Variants in ENTREP2 observed in about 807,000 individuals in gnomAD.
The protein encoded by ENTREP2 is protein ENTREP2.
the ENTREP2 span, among the ~76,000 whole-genome samples, chr15:29,646,992 C>T: frequency 6.6e-6 from 1 of 152,200 alleles, no homozygotes; most frequent in African/African-American, 2.4e-5. Context: ...ATTTCTCCTC[C>T]GTGGTTTCAT....
At chr15:29,331,491 T>C in the ENTREP2 span, among the ~76,000 whole-genome samples, 3 of 152,064 alleles carry the variant, frequency 2.0e-5, no homozygotes, top group Non-Finnish European at 4.4e-5. Flanking sequence ...AAAACATCTT[T>C]CATACCTCCA....
At chr15:29,642,387 G>T in the ENTREP2 span, among the ~76,000 whole-genome samples, 809 of 151,154 alleles carry the variant, frequency 5.4e-3, 22 homozygotes, top group Admixed American at 0.037. Flanking sequence ...CATTCAATAG[G>T]GGGGAGAGAA....
At chr15:29,279,082 A>G in the ENTREP2 span, among the ~76,000 whole-genome samples, 5,685 of 152,146 alleles carry the variant, frequency 0.037, 153 homozygotes, top group Non-Finnish European at 0.052. Context: ...CCCCACTGTA[A>G]AGGCCTCATT....
At chr15:29,310,416 G>A in the ENTREP2 span, among the ~76,000 whole-genome samples, 2 of 152,164 alleles carry the variant, frequency 1.3e-5, no homozygotes, top group South Asian at 4.1e-4. Context: ...GCCCTGGCTC[G>A]GTCAAGGGGA....
chr15:29,412,624 C>T, the ENTREP2 span, among the ~76,000 whole-genome samples: 1 of 151,940 alleles, frequency 6.6e-6, no homozygotes, highest in Non-Finnish European at 1.5e-5. Flanking sequence ...TGTGTAGTCT[C>T]TCATCAACTT....
the ENTREP2 span, among the ~76,000 whole-genome samples, chr15:29,227,389 G>A: frequency 6.6e-6 from 1 of 152,180 alleles, no homozygotes; most frequent in East Asian, 1.9e-4. Flanking sequence ...TTTGCAGGCT[G>A]GTCTTAAAGG....
the ENTREP2 span, among the ~76,000 whole-genome samples, chr15:29,517,885 A>C: frequency 2.0e-5 from 3 of 152,350 alleles, no homozygotes; most frequent in East Asian, 3.9e-4. Context: ...TAATTACCAT[A>C]ATCAAGCTAA....
chr15:29,608,432 T>C, the ENTREP2 span, among the ~76,000 whole-genome samples: 32 of 152,068 alleles, frequency 2.1e-4, no homozygotes, highest in African/African-American at 7.7e-4. Context: ...CTCCCAGCGC[T>C]TTCTCCTGAG....
the ENTREP2 span, chr15:29,234,479 T>G: frequency 7.8e-5 from 115 of 1,466,530 alleles, no homozygotes; most frequent in Middle Eastern, 6.9e-4. Flanking sequence ...CATTCGCCTA[T>G]CATATATTTG....
the ENTREP2 span, among the ~76,000 whole-genome samples, chr15:29,447,177 T>C: frequency 6.6e-6 from 1 of 152,208 alleles, no homozygotes; most frequent in East Asian, 1.9e-4. Context: ...AATATTTTAA[T>C]TGAATATTAA....
At chr15:29,538,638 CAAAAAAAAA>C in the ENTREP2 span, among the ~76,000 whole-genome samples, 1 of 79,002 alleles carries the variant, frequency 1.3e-5, no homozygotes, top group Non-Finnish European at 2.5e-5. Flanking sequence ...ACTAAAAATA[CAAAAAAAAA>C]AAAAAAAAAA....
the ENTREP2 span, among the ~76,000 whole-genome samples, chr15:29,324,687 G>T: frequency 6.6e-6 from 1 of 152,114 alleles, no homozygotes; most frequent in Admixed American, 6.5e-5. Flanking sequence ...GTGATATAAA[G>T]GTCAGTTTCC....
chr15:29,664,052 G>C, the ENTREP2 span, among the ~76,000 whole-genome samples: 1 of 151,962 alleles, frequency 6.6e-6, no homozygotes, highest in Non-Finnish European at 1.5e-5. Flanking sequence ...AAATAGCATG[G>C]GGGTATGAAG....
the ENTREP2 span, among the ~76,000 whole-genome samples, chr15:29,400,746 T>TA: frequency 4.6e-5 from 7 of 152,212 alleles, no homozygotes; most frequent in South Asian, 2.1e-4. Flanking sequence ...CGTTTATGGC[T>TA]AAAAAAACCC....
At chr15:29,635,871 C>G in the ENTREP2 span, among the ~76,000 whole-genome samples, 73 of 152,314 alleles carry the variant, frequency 4.8e-4, 1 homozygote, top group African/African-American at 1.6e-3. Context: ...AAAATATTGG[C>G]TGCTGTCGTC....
At chr15:29,434,066 G>A in the ENTREP2 span, among the ~76,000 whole-genome samples, 3 of 152,120 alleles carry the variant, frequency 2.0e-5, no homozygotes, top group Admixed American at 1.3e-4. Context: ...ACCTAGAAAC[G>A]GATGACCAAG....
the ENTREP2 span, among the ~76,000 whole-genome samples, chr15:29,414,491 T>G: frequency 6.6e-6 from 1 of 151,906 alleles, no homozygotes; most frequent in Non-Finnish European, 1.5e-5. Flanking sequence ...CTGGGACACA[T>G]TCAAAGCAGT....
chr15:29,125,929 G>C, the ENTREP2 span, among the ~76,000 whole-genome samples: 1 of 152,220 alleles, frequency 6.6e-6, no homozygotes, highest in Non-Finnish European at 1.5e-5. Context: ...CCCATGCCCA[G>C]AGCTATCGTT....
chr15:29,320,264 A>G, the ENTREP2 span, among the ~76,000 whole-genome samples: 16 of 152,290 alleles, frequency 1.1e-4, no homozygotes, highest in African/African-American at 2.9e-4. Flanking sequence ...ATTACAGTTG[A>G]AGGAGCTGCT....
Sources: gnomAD v4.1 joint callset for allele counts (sites outside exome capture counted in the v4.1 genomes callset) on GRCh38, gnomAD v4.1.1 for gene constraint, MANE v1.5 for transcripts, NCBI Gene and HGNC (gene_info 2026-07-23, HGNC 2026-07-21) for gene names.